NPAS3: variants seen among roughly 807,000 people sequenced by gnomAD.
NPAS3 encodes the protein neuronal PAS domain-containing protein 3.
Under a neutral mutation model 73.1 loss-of-function variants are expected in NPAS3, and 14 were observed. The ratio of observed to expected loss-of-function variants is 0.19; its 90% CI spans 0.13 to 0.30. The LOEUF (loss-of-function observed/expected upper bound fraction) is 0.30, where lower values mean the gene tolerates loss of function less well. Among genes scored for constraint, NPAS3 ranks in the 10% least tolerant of loss-of-function variants. The pLI, the probability that NPAS3 is intolerant of heterozygous loss-of-function variation, is 1.00. For missense variants in NPAS3, 1,096 were observed against 1,250.0 expected (o/e 0.88, Z 1.86); for synonymous variants, 620 against 541.5 (o/e 1.14, Z -2.01).
At chr14:33,774,292 G>T in intron 7 of NPAS3, 45 bp from the exon 8 acceptor site, 1 of 1,470,296 alleles carries the variant, frequency 6.8e-7, no homozygotes, top group Non-Finnish European at 9.5e-7. Context: ...GTTATATCTG[G>T]GATGTAAATT....
chr14:33,173,862 G>A (rs886461971), intron 2 of NPAS3, among the ~76,000 whole-genome samples: 77 of 152,194 alleles, frequency 5.1e-4, no homozygotes, highest in African/African-American at 1.8e-3. Flanking sequence ...TTTCTTCCTG[G>A]TAATTCTGTT....
chr14:33,441,923 T>TC (rs1017814932), intron 4 of NPAS3, among the ~76,000 whole-genome samples: 4 of 151,728 alleles, frequency 2.6e-5, no homozygotes, highest in African/African-American at 7.3e-5. Flanking sequence ...TTCAATTACC[T>TC]CCCCCCAGGT....
At chr14:33,212,045 G>A (rs7155124) in intron 2 of NPAS3, among the ~76,000 whole-genome samples, 37,190 of 152,058 alleles carry the variant, frequency 0.24, 5,478 homozygotes, top group Non-Finnish European at 0.34. Flanking sequence ...AGAACAAAAC[G>A]TACAAATACA....
intron 2 of NPAS3, among the ~76,000 whole-genome samples, chr14:33,191,023 G>A (rs1207218476): frequency 6.6e-6 from 1 of 151,984 alleles, no homozygotes; most frequent in Non-Finnish European, 1.5e-5. Context: ...CAGAATTTTG[G>A]TGAATCTTCT....
chr14:33,800,725 G>A lies in NPAS3; in HGVS notation c.2418G>A (p.Val806=), dbSNP rs1051004182. The change falls in exon 12 of 12, where the codon GTG becomes GTA. Residue 806 remains valine (V), a synonymous_variant. Coordinates refer to ENST00000356141, the Ensembl canonical transcript of NPAS3. This position sits in a 1 kb window ranked among gnomAD's most constrained non-coding sequence, Gnocchi z 6.5. ...CGGGCAACGTCGTGCTCCCGCTGGT[G>A]CACAGGGTGACCGGGACCCTGGCCG... 5 of 1,552,794 alleles carry A rather than the reference G, an allele frequency of 3.2e-6. No individual in the cohort carries two copies. The highest frequency in any genetic ancestry group is 3.5e-6 in the Non-Finnish European group (4 of 1,150,894).
intron 5 of NPAS3, among the ~76,000 whole-genome samples, chr14:33,621,626 C>T (rs1243348447): frequency 1.3e-5 from 2 of 151,984 alleles, no homozygotes; most frequent in Non-Finnish European, 2.9e-5. Context: ...ATTATCTTTC[C>T]CTTCTGATGG....
chr14:33,690,049 G>C, intron 6 of NPAS3, among the ~76,000 whole-genome samples: 1 of 152,098 alleles, frequency 6.6e-6, no homozygotes, highest in East Asian at 1.9e-4. Flanking sequence ...TATCTGGCTG[G>C]GCCACTGTGA....
chr14:33,337,796 CT>C (rs2044295626), intron 3 of NPAS3, among the ~76,000 whole-genome samples: 1 of 151,934 alleles, frequency 6.6e-6, no homozygotes, highest in Non-Finnish European at 1.5e-5. Flanking sequence ...AGGTCTTGTA[CT>C]TTTGTTTGCT....
At chr14:33,435,621 T>C (rs1198716059) in intron 4 of NPAS3, among the ~76,000 whole-genome samples, 2 of 152,224 alleles carry the variant, frequency 1.3e-5, no homozygotes, top group Non-Finnish European at 2.9e-5. Flanking sequence ...TATTGGCTAA[T>C]ACAGAGCCCA....
chr14:32,952,477 C>T (rs2036521490), intron 1 of NPAS3, among the ~76,000 whole-genome samples: 1 of 151,952 alleles, frequency 6.6e-6, no homozygotes, highest in African/African-American at 2.4e-5. Flanking sequence ...ATTAATAGAA[C>T]ATGAAAAACC....
At chr14:33,579,023 C>A (rs534826739) in intron 5 of NPAS3, among the ~76,000 whole-genome samples, 1 of 152,160 alleles carries the variant, frequency 6.6e-6, no homozygotes. Flanking sequence ...CAAGTTATAC[C>A]TGTTTGAGCA....
At chr14:33,788,544 A>T (rs143106348) in intron 9 of NPAS3, among the ~76,000 whole-genome samples, 1 of 152,242 alleles carries the variant, frequency 6.6e-6, no homozygotes, top group Admixed American at 6.5e-5. Context: ...AAACTGAATT[A>T]GACTGCTTCC....
intron 5 of NPAS3, among the ~76,000 whole-genome samples, chr14:33,652,713 G>A (rs1211855338): frequency 6.6e-6 from 1 of 152,152 alleles, no homozygotes; most frequent in Non-Finnish European, 1.5e-5. Flanking sequence ...TTGTCAAACT[G>A]CTTCCTAAAA....
At chr14:33,655,089 G>A (rs2140247114) in intron 5 of NPAS3, among the ~76,000 whole-genome samples, 1 of 152,318 alleles carries the variant, frequency 6.6e-6, no homozygotes, top group Non-Finnish European at 1.5e-5. Context: ...CAAAGAAGCA[G>A]AGTAGATAGA....
At chr14:33,638,412 C>T (rs1202332933) in intron 5 of NPAS3, among the ~76,000 whole-genome samples, 5 of 152,190 alleles carry the variant, frequency 3.3e-5, no homozygotes, top group African/African-American at 1.2e-4. Context: ...CCCAGTTCTT[C>T]TACTTACTAT....
chr14:33,470,430 C>G (rs1348625671), intron 4 of NPAS3, among the ~76,000 whole-genome samples: 5 of 152,098 alleles, frequency 3.3e-5, no homozygotes, highest in African/African-American at 1.2e-4. Context: ...AATCCCTTTA[C>G]TATAATAATA....
At chr14:33,216,245 A>G (rs574012301) in intron 3 of NPAS3, among the ~76,000 whole-genome samples, 5 of 152,298 alleles carry the variant, frequency 3.3e-5, no homozygotes, top group South Asian at 4.1e-4. Context: ...TATAGCATGA[A>G]ATAAAACTGG....
intron 3 of NPAS3, among the ~76,000 whole-genome samples, chr14:33,219,553 C>T (rs2047346558): frequency 6.6e-6 from 1 of 152,162 alleles, no homozygotes; most frequent in South Asian, 2.1e-4. Context: ...TGACTGAACA[C>T]ATTAGGGAAG....
At chr14:33,605,457 C>G (rs2057529797) in intron 5 of NPAS3, among the ~76,000 whole-genome samples, 1 of 147,040 alleles carries the variant, frequency 6.8e-6, no homozygotes, top group Non-Finnish European at 1.5e-5. Flanking sequence ...CCTAGAAAAT[C>G]TGATTGAATC....
Sources: gnomAD v4.1 joint callset for allele counts (sites outside exome capture counted in the v4.1 genomes callset) on GRCh38, gnomAD v4.1.1 for gene constraint, Gnocchi (gnomAD v3.1) non-coding constraint, MANE v1.5 for transcripts, NCBI Gene and HGNC (gene_info 2026-07-23, HGNC 2026-07-21) for gene names.